Variants in EGFLAM observed in about 807,000 individuals in gnomAD.
EGFLAM encodes pikachurin.
Under a neutral mutation model 113.1 loss-of-function variants are expected in EGFLAM, and 79 were observed. The ratio of observed to expected loss-of-function variants is 0.70; its 90% CI spans 0.58 to 0.84. The LOEUF (loss-of-function observed/expected upper bound fraction) is 0.84. Ranked by LOEUF, EGFLAM falls within the 40% of genes least tolerant of loss-of-function variation. The pLI, the probability that EGFLAM is intolerant of heterozygous loss-of-function variation, is 0.00. For missense variants in EGFLAM, 1,265 were observed against 1,291.6 expected (o/e 0.98, Z 0.32); for synonymous variants, 504 against 487.6 (o/e 1.03, Z -0.44).
chr5:38,435,287 AC>A lies in EGFLAM; in HGVS notation c.2283+37del, dbSNP rs760493392. The A allele has an allele frequency of 3.4e-6, 5 of 1,469,050 alleles. No individual in the cohort carries two copies. In the East Asian group the frequency reaches 9.1e-5, roughly 27 times the overall value. 91.0% of individuals were successfully genotyped at this position (1,469,050 alleles called of 1,614,324 possible). A position where few individuals can be genotyped will look rare whatever the true frequency, so the allele number is the denominator to read the frequency against. On this transcript the variant is annotated intron_variant, in intron 16 of 21. Coordinates refer to ENST00000322350, the MANE Select transcript of EGFLAM (RefSeq NM_152403.4). ...ATCTCTTCCTCATGTTTACTGGGCC[AC>A]CCAGACTGTAGACAAAGAAAGTGAG...
chr5:38,338,926 T>C (rs1400321663), intron 3 of EGFLAM, 145 bp downstream of exon 3: 4 of 729,598 alleles, frequency 5.5e-6, no homozygotes, highest in East Asian at 5.4e-5. Flanking sequence ...ATGTCATTCA[T>C]GTACATTTCC....
At position 38,458,414 on chromosome 5, in the gene EGFLAM, T is replaced by C; in HGVS notation, c.2771+20T>C. The stretch of plus-strand genomic sequence containing the variant: ...CGTTAGGTGAGTCCCTCCCGCAGCA[T>C]GAGGCAGAGCCAGAGCTGAGCAGTG... On this transcript the variant is annotated intron_variant, in intron 20 of 21. Coordinates refer to ENST00000322350, the MANE Select transcript of EGFLAM (RefSeq NM_152403.4). 6.2e-7 allele frequency: 1 copy of C among 1,612,318 alleles called. No individual in the cohort carries two copies. Among genetic ancestry groups the C allele is most frequent in the Non-Finnish European group, 8.5e-7 (1 of 1,178,936 alleles).
intron 6 of EGFLAM, among the ~76,000 whole-genome samples, chr5:38,388,063 G>A (rs978502169): frequency 5.3e-5 from 8 of 152,202 alleles, no homozygotes; most frequent in African/African-American, 1.9e-4. Flanking sequence ...CTTTTGGAAT[G>A]TGAGTTTACT....
chr5:38,335,079 C>T (rs571090738), intron 1 of EGFLAM, among the ~76,000 whole-genome samples: 12 of 152,152 alleles, frequency 7.9e-5, no homozygotes, highest in Admixed American at 5.2e-4. Flanking sequence ...GTGTCAAGGT[C>T]GAGATACCAT....
chr5:38,429,548 G>A (rs184113685), intron 14 of EGFLAM, among the ~76,000 whole-genome samples: 2 of 152,120 alleles, frequency 1.3e-5, no homozygotes, highest in Non-Finnish European at 2.9e-5. Context: ...GTCTCTTTCT[G>A]CACACCTCAC....
At chr5:38,326,657 G>GT (rs1032790144) in intron 1 of EGFLAM, among the ~76,000 whole-genome samples, 1 of 148,234 alleles carries the variant, frequency 6.7e-6, no homozygotes, top group African/African-American at 2.5e-5. Context: ...CACGCCTGGC[G>GT]TTTTTTTGTA....
chr5:38,267,564 T>A (rs1757662388), intron 1 of EGFLAM, among the ~76,000 whole-genome samples: 1 of 152,072 alleles, frequency 6.6e-6, no homozygotes, highest in African/African-American at 2.4e-5. Context: ...TGTAATTTAT[T>A]TTTTAAGTAC....
chr5:38,410,112 G>A (rs916834287), intron 10 of EGFLAM, among the ~76,000 whole-genome samples: 21 of 152,330 alleles, frequency 1.4e-4, no homozygotes, highest in African/African-American at 5.1e-4. Flanking sequence ...GCTTAGAGCA[G>A]CGTCTGACCC....
At chr5:38,307,044 G>T (rs1758737940) in intron 1 of EGFLAM, among the ~76,000 whole-genome samples, 1 of 152,176 alleles carries the variant, frequency 6.6e-6, no homozygotes, top group African/African-American at 2.4e-5. Flanking sequence ...AAGTCATCTT[G>T]GAAGTGGATC....
rs553622072 is a variant in EGFLAM at position 38,406,347 on chromosome 5, C to A, written c.828+106C>A. 87 of 963,022 alleles carry A rather than the reference C, an allele frequency of 9.0e-5. No homozygotes were observed. In the East Asian group the frequency reaches 2.2e-3, roughly 24 times the overall value. 59.7% of individuals were successfully genotyped at this position (963,022 alleles called of 1,614,324 possible). A position where few individuals can be genotyped will look rare whatever the true frequency, so the allele number is the denominator to read the frequency against. On this transcript the variant is annotated intron_variant, in intron 7 of 21. Coordinates refer to ENST00000322350, the MANE Select transcript of EGFLAM (RefSeq NM_152403.4). ...ACATTTTACTTAAAACTTAAATGTG[C>A]CCATTTGCTTTTAACACTGATTTGT...
Position 38,424,980 on chromosome 5 carries a change from T to C in EGFLAM, c.1698T>C (p.Ser566=), listed in dbSNP as rs1483115072. 8.1e-6 allele frequency: 13 copies of C among 1,613,778 alleles called. No individual in the cohort carries two copies. Among genetic ancestry groups the C allele is most frequent in the Non-Finnish European group, 1.1e-5 (13 of 1,179,878 alleles). The change falls in exon 13 of 22, where the codon AGT becomes AGC. Residue 566 remains serine (S), a synonymous_variant. Coordinates refer to ENST00000322350, the MANE Select transcript of EGFLAM (RefSeq NM_152403.4). ...LSGADVGECS[S]GICDEASCIH... ...TTCTGTATTTAGGGGAATGCAGCAG[T>C]GGAATCTGTGATGAGGCCTCGTGCA...
intron 1 of EGFLAM, among the ~76,000 whole-genome samples, chr5:38,298,312 A>AT (rs145334360): frequency 0.23 from 34,368 of 152,028 alleles, 5,424 homozygotes; most frequent in African/African-American, 0.44. Context: ...ATTAGAGATA[A>AT]TTTTTAGGTA....
At chr5:38,375,393 A>T (rs1034585625) in intron 6 of EGFLAM, among the ~76,000 whole-genome samples, 3 of 151,980 alleles carry the variant, frequency 2.0e-5, no homozygotes, top group African/African-American at 7.3e-5. Flanking sequence ...CTCCATGAAT[A>T]TTGGCTTGAT....
intron 5 of EGFLAM, among the ~76,000 whole-genome samples, chr5:38,363,658 T>C (rs1260653392): frequency 2.0e-5 from 3 of 152,232 alleles, no homozygotes; most frequent in Non-Finnish European, 2.9e-5. Context: ...TATTATTTCA[T>C]GATTTTTATT....
At chr5:38,305,318 T>G (rs1383612197) in intron 1 of EGFLAM, 4 of 263,490 alleles carry the variant, frequency 1.5e-5, no homozygotes, top group African/African-American at 9.0e-5. Context: ...GGCAATTACT[T>G]CAAAATTCTG....
At chr5:38,425,531 TG>T (rs1741976498) in intron 13 of EGFLAM, among the ~76,000 whole-genome samples, 1 of 152,164 alleles carries the variant, frequency 6.6e-6, no homozygotes, top group African/African-American at 2.4e-5. Flanking sequence ...AACATTGCTT[TG>T]TTGGGAGAGA....
chr5:38,440,073 A>G (rs2112231480), intron 17 of EGFLAM, among the ~76,000 whole-genome samples: 1 of 152,300 alleles, frequency 6.6e-6, no homozygotes, highest in Admixed American at 6.5e-5. Context: ...GTTCAGGTTC[A>G]ATGAGAAGCA....
intron 4 of EGFLAM, 69 bp downstream of exon 4, chr5:38,350,687 C>G (rs2111982617): frequency 1.4e-6 from 2 of 1,416,760 alleles, no homozygotes; most frequent in South Asian, 1.2e-5. Flanking sequence ...CAGCAAATAT[C>G]AATAGGGACT....
rs537772568 is a variant in EGFLAM at position 38,318,314 on chromosome 5, ATATAT to A, written c.98-19201_98-19197del. Among the ~76,000 whole-genome samples the A allele has an allele frequency of 5.5e-4, 83 of 151,442 alleles. 1 individual carries two copies. The highest frequency in any genetic ancestry group is 3.8e-3 in the Admixed American group (58 of 15,174). On this transcript the variant is annotated intron_variant, in intron 1 of 21. Coordinates refer to ENST00000322350, the MANE Select transcript of EGFLAM (RefSeq NM_152403.4). ...TACTGTACTAACTATAGATAGAATA[ATATAT>A]TATACTATCTGACTATAGTATACTA... is the stretch of plus-strand genomic sequence containing the variant.
Sources: gnomAD v4.1 joint callset for allele counts (sites outside exome capture counted in the v4.1 genomes callset) on GRCh38, gnomAD v4.1.1 for gene constraint, MANE v1.5 for transcripts, NCBI Gene and HGNC (gene_info 2026-07-23, HGNC 2026-07-21) for gene names.